ARL6IP6: variants seen among roughly 807,000 people sequenced by gnomAD.
ARL6IP6 encodes the protein ADP-ribosylation factor-like protein 6-interacting protein 6.
In ARL6IP6, 22 loss-of-function variants were observed where a neutral mutation model predicts 21.5. That is an observed-to-expected ratio of 1.02 (90% CI 0.73 to 1.46). The LOEUF (loss-of-function observed/expected upper bound fraction) is 1.46. Among genes scored for constraint, ARL6IP6 ranks in the 40% most tolerant of loss-of-function variants. ARL6IP6 has a pLI of 0.00. For synonymous variants in ARL6IP6, 164 were observed against 125.3 expected, an observed-to-expected ratio of 1.31 and a Z score of -2.06; for missense variants, 388 against 299.8, an observed-to-expected ratio of 1.29 and a Z score of -2.17.
intron 3 of ARL6IP6, among the ~76,000 whole-genome samples, chr2:152,747,045 G>A (rs915567768): frequency 2.0e-5 from 3 of 151,902 alleles, no homozygotes; most frequent in Admixed American, 1.3e-4. Context: ...GCCCAGGACA[G>A]TCTTGAACTC....
In ARL6IP6 at chr2:152,759,928, T is replaced by C. The variant is rs1701758742; in HGVS notation, c.*88T>C. The C allele has an allele frequency of 1.9e-6, 2 of 1,062,554 alleles. No homozygotes were observed. The highest frequency in any genetic ancestry group is 4.8e-5 in the East Asian group (2 of 41,678). 65.8% of individuals were successfully genotyped at this position (1,062,554 alleles called of 1,614,324 possible). A position where few individuals can be genotyped will look rare whatever the true frequency, so the allele number is the denominator to read the frequency against. On this transcript the variant is annotated 3_prime_UTR_variant, in exon 4 of 4. Coordinates refer to ENST00000326446, the MANE Select transcript of ARL6IP6 (RefSeq NM_152522.7). Reference sequence around the variant, plus strand: ...GAGCATCACTGTCTACTCAGAAGACTGAGAAACCTGCTGTTCATTATGTAG... The same window carrying C: ...GAGCATCACTGTCTACTCAGAAGACCGAGAAACCTGCTGTTCATTATGTAG...
chr2:152,753,834 C>T (rs923339092), intron 3 of ARL6IP6, among the ~76,000 whole-genome samples: 6 of 151,670 alleles, frequency 4.0e-5, no homozygotes, highest in African/African-American at 1.5e-4. Flanking sequence ...GTAGCTGGCA[C>T]TACAGGCGCT....
At chr2:152,752,229 T>A (rs953249841) in intron 3 of ARL6IP6, among the ~76,000 whole-genome samples, 1 of 152,212 alleles carries the variant, frequency 6.6e-6, no homozygotes, top group Non-Finnish European at 1.5e-5. Context: ...CCTAACAGTG[T>A]TTTCCTGCTT....
At chr2:152,754,102 GTATT>G (rs1701468493) in intron 3 of ARL6IP6, among the ~76,000 whole-genome samples, 1 of 150,964 alleles carries the variant, frequency 6.6e-6, no homozygotes, top group Non-Finnish European at 1.5e-5. Flanking sequence ...AAATGATTAA[GTATT>G]TAATATTTTC....
At chr2:152,719,750 G>GAAAAAA (rs11328553) in intron 1 of ARL6IP6, 54 of 255,140 alleles carry the variant, frequency 2.1e-4, no homozygotes, top group East Asian at 4.7e-4. Context: ...CCAAGTTACT[G>GAAAAAA]AAAAAAAAAA....
At chr2:152,725,110 T>G (rs1198137860) in intron 2 of ARL6IP6, among the ~76,000 whole-genome samples, 1 of 152,246 alleles carries the variant, frequency 6.6e-6, no homozygotes, top group East Asian at 1.9e-4. Context: ...TGACTTATTC[T>G]TTCTTAGGGA....
intron 3 of ARL6IP6, among the ~76,000 whole-genome samples, chr2:152,758,521 T>G (rs1701688911): frequency 6.6e-6 from 1 of 152,182 alleles, no homozygotes. Flanking sequence ...ATTATACCTA[T>G]TTTACGATGT....
intron 3 of ARL6IP6, among the ~76,000 whole-genome samples, chr2:152,740,852 C>G (rs1700775311): frequency 6.6e-6 from 1 of 151,878 alleles, no homozygotes; most frequent in African/African-American, 2.4e-5. Context: ...CACACAAATA[C>G]AAATGAAGTT....
At chr2:152,735,569 A>G (rs566315575) in intron 3 of ARL6IP6, among the ~76,000 whole-genome samples, 11 of 152,302 alleles carry the variant, frequency 7.2e-5, no homozygotes, top group African/African-American at 2.4e-4. Flanking sequence ...ATGGTACCCA[A>G]TTTATATGTC....
At position 152,760,082 on chromosome 2, in the gene ARL6IP6, A is replaced by T. The variant is rs1701765677; in HGVS notation, c.*242A>T. On this transcript the variant is annotated 3_prime_UTR_variant, in exon 4 of 4. Transcript: ENST00000326446. ...TTAAGTACTTTCTTCAGAGTATAAG[A>T]TGTTTACCTCATCTTTTTACTTTTG... 1 of 339,124 alleles carries T rather than the reference A, an allele frequency of 2.9e-6. No homozygotes were observed. Among genetic ancestry groups the T allele is most frequent in the Non-Finnish European group, 5.4e-6 (1 of 185,110 alleles). The allele number at this position is 339,124 out of a possible 1,614,324, so 21.0% of individuals were successfully genotyped here.
rs374960290 is a variant in ARL6IP6, at chr2:152,718,661, C to T, written c.37C>T (p.Arg13Trp). 3.2e-6 allele frequency: 5 copies of T among 1,565,058 alleles called. No homozygotes were observed. The highest frequency in any genetic ancestry group is 1.4e-5 in the African/African-American group (1 of 73,178). The stretch of plus-strand genomic sequence containing the variant: ...TGAGAGCGGGTGGCGGTCGGCTCTG[C>T]GGCGCCGCGGTCCCGGCACCCCGGG... ...FAESGWRSAL[R>W]RRGPGTPGPV... Residue 13 changes from arginine (R) to tryptophan (W), a missense_variant, in exon 1 of 4, where the codon CGG (arginine) becomes TGG (tryptophan). By Grantham distance (101) the Arg-to-Trp change is moderately radical. Coordinates refer to ENST00000326446, the MANE Select transcript of ARL6IP6 (RefSeq NM_152522.7).
In ARL6IP6 at chr2:152,718,624, C is replaced by T. The variant is rs745653758; in HGVS notation, c.-1C>T. ...CCGCGGGTTTCGTTGTGTTTCGCGC[C>T]ATGTCGTTTGCTGAGAGCGGGTGGC... On this transcript the variant is annotated 5_prime_UTR_variant, in exon 1 of 4. Coordinates refer to ENST00000326446, the MANE Select transcript of ARL6IP6 (RefSeq NM_152522.7). 5.9e-6 allele frequency: 9 copies of T among 1,520,318 alleles called. No individual in the cohort carries two copies. Among genetic ancestry groups the T allele is most frequent in the South Asian group, 1.3e-5 (1 of 76,446 alleles). 94.2% of individuals were successfully genotyped at this position (1,520,318 alleles called of 1,614,324 possible). A position where few individuals can be genotyped will look rare whatever the true frequency, so the allele number is the denominator to read the frequency against.
At position 152,761,707 on chromosome 2, in the gene ARL6IP6, C is replaced by T. The variant is rs962246230; in HGVS notation, c.*1867C>T. Reference sequence around the variant, plus strand: ...TTTACCATTGTGTTACAGTTGCCTGCAATATTCAGTACAGTAACATGCAGT... The same window carrying T: ...TTTACCATTGTGTTACAGTTGCCTGTAATATTCAGTACAGTAACATGCAGT... On this transcript the variant is annotated 3_prime_UTR_variant, in exon 4 of 4. Coordinates refer to ENST00000326446, the MANE Select transcript of ARL6IP6 (RefSeq NM_152522.7). 3.9e-5 allele frequency among the ~76,000 whole-genome samples: 6 copies of T among 152,082 alleles called. No homozygotes were observed. The highest frequency in any genetic ancestry group is 1.4e-4 in the African/African-American group (6 of 41,410).
chr2:152,737,215 A>G (rs1177364404), intron 3 of ARL6IP6, among the ~76,000 whole-genome samples: 1 of 152,080 alleles, frequency 6.6e-6, no homozygotes, highest in Non-Finnish European at 1.5e-5. Flanking sequence ...TGCAATTTTG[A>G]GAAGTCATGA....
At chr2:152,748,982 T>C (rs911168969) in intron 3 of ARL6IP6, among the ~76,000 whole-genome samples, 14 of 152,230 alleles carry the variant, frequency 9.2e-5, no homozygotes, top group African/African-American at 3.4e-4. Context: ...GGTAATTTAT[T>C]TGGAATTTTT....
chr2:152,718,172 G>A (rs754015588), upstream of ARL6IP6: 5 of 657,360 alleles, frequency 7.6e-6, no homozygotes, highest in East Asian at 1.3e-4. Context: ...AGCGTAGTGG[G>A]GAAGAAGGGA....
intron 3 of ARL6IP6, among the ~76,000 whole-genome samples, chr2:152,749,951 A>G (rs1365500638): frequency 6.6e-6 from 1 of 152,226 alleles, no homozygotes; most frequent in African/African-American, 2.4e-5. Context: ...ATGAAGAGTC[A>G]CATCTTAACA....
intron 2 of ARL6IP6, among the ~76,000 whole-genome samples, chr2:152,729,334 CTGTGTGTGTGTGTGTG>C (rs10604718): frequency 6.6e-6 from 1 of 150,952 alleles, no homozygotes; most frequent in African/African-American, 2.4e-5. Flanking sequence ...CAGACTTTGT[CTGTGTGTGTGTGTGTG>C]TGTGTGTGTG....
At chr2:152,724,958 T>G (rs922972392) in intron 2 of ARL6IP6, among the ~76,000 whole-genome samples, 42 of 152,172 alleles carry the variant, frequency 2.8e-4, no homozygotes, top group Non-Finnish European at 5.9e-4. Context: ...TTACGGAATC[T>G]TAGACCCTAT....
Sources: allele counts gnomAD v4.1 joint callset (sites outside exome capture counted in the v4.1 genomes callset), GRCh38; gene constraint gnomAD v4.1.1; transcripts MANE v1.5; gene names NCBI Gene and HGNC (gene_info 2026-07-23, HGNC 2026-07-21).